GLIS1: variants seen among roughly 807,000 people sequenced by gnomAD.
GLIS1 encodes GLIS family zinc finger 1.
In GLIS1, 24 loss-of-function variants were observed where a neutral mutation model predicts 63.8. That is an observed-to-expected ratio of 0.38 (90% CI 0.27 to 0.53). The LOEUF (loss-of-function observed/expected upper bound fraction) is 0.53, where lower values mean the gene tolerates loss of function less well. Ranked by LOEUF, GLIS1 falls within the 20% of genes least tolerant of loss-of-function variation. GLIS1 has a pLI of 0.85. For synonymous variants in GLIS1, 450 were observed against 482.5 expected (o/e 0.93, Z 0.88); for missense variants, 1,036 against 1,074.1 (o/e 0.96, Z 0.50).
At chr1:53,686,119 C>T (rs72896795) in intron 2 of GLIS1, among the ~76,000 whole-genome samples, 3,643 of 152,292 alleles carry the variant, frequency 0.024, 145 homozygotes, top group African/African-American at 0.082. Context: ...ATCTCTCCCA[C>T]CAGACTGCAA....
chr1:53,570,599 AGGG>A (rs1037531713), intron 4 of GLIS1, among the ~76,000 whole-genome samples: 2 of 152,192 alleles, frequency 1.3e-5, no homozygotes, highest in Non-Finnish European at 2.9e-5. Flanking sequence ...GTATTGGTGC[AGGG>A]GTAGAAAAAC....
intron 4 of GLIS1, among the ~76,000 whole-genome samples, chr1:53,587,734 G>A (rs1031968422): frequency 2.0e-5 from 3 of 152,178 alleles, no homozygotes; most frequent in South Asian, 2.1e-4. Flanking sequence ...TTCCCCACTC[G>A]ACTGAGGGCT....
In GLIS1 at chr1:53,594,167, G is replaced by A. The variant is rs1475817036; in HGVS notation, c.1261C>T (p.Arg421Cys). The A allele has an allele frequency of 3.7e-6, 6 of 1,613,848 alleles. No homozygotes were observed. The highest frequency in any genetic ancestry group is 5.1e-6 in the Non-Finnish European group (6 of 1,179,808). Reference protein sequence around the residue: ...CVRRYKPFNARYKLLIHMRVH... With the variant: ...CVRRYKPFNACYKLLIHMRVH... ...CGCATGTGGATGAGCAGCTTGTAGC[G>A]GGCGTTGAAGGGCTTGTAGCGGCGC... The change falls in exon 4 of 11, where the codon CGC (arginine) becomes TGC (cysteine). Residue 421 changes from arginine (R) to cysteine (C), a missense_variant. Arg to Cys is a radical substitution (Grantham distance 180). This residue lies in a region of GLIS1 where 592 missense variants were observed against 593.9 expected (regional missense o/e 1.00). Transcript: ENST00000628545.
At chr1:53,537,139 G>A (rs541577013) in intron 4 of GLIS1, among the ~76,000 whole-genome samples, 2 of 152,342 alleles carry the variant, frequency 1.3e-5, no homozygotes, top group African/African-American at 2.4e-5. Flanking sequence ...AGCCAGGCAG[G>A]GGGTGGCATC....
chr1:53,515,655 T>G (rs987219380), intron 7 of GLIS1, among the ~76,000 whole-genome samples: 1 of 151,818 alleles, frequency 6.6e-6, no homozygotes, highest in African/African-American at 2.4e-5. Flanking sequence ...CAGACTTTGC[T>G]CCAGGGACCC....
rs752852437 is a variant in GLIS1, at chr1:53,514,679, G to A, written c.1829C>T (p.Thr610Ile). 1.2e-6 allele frequency: 2 copies of A among 1,613,922 alleles called. No homozygotes were observed. Among genetic ancestry groups the A allele is most frequent in the South Asian group, 1.1e-5 (1 of 91,062 alleles). Residue 610 changes from threonine to isoleucine, a missense_variant, in exon 8 of 11, where the codon ACC becomes ATC. Physicochemically the swap from Thr to Ile is moderately conservative, Grantham distance 89. Coordinates refer to ENST00000628545, the MANE Select transcript of GLIS1 (RefSeq NM_001367484.1). ...PSRHHPLDAT[T>I]SSHHHLSPLP... ...AGGGGACAGATGGTGGTGGGAACTG[G>A]TGGTGGCATCCAGCGGGTGGTGCCT...
At chr1:53,621,267 T>A (rs779159617) in intron 2 of GLIS1, among the ~76,000 whole-genome samples, 36 of 152,210 alleles carry the variant, frequency 2.4e-4, no homozygotes, top group Admixed American at 3.9e-4. Flanking sequence ...CCCCCCCAAG[T>A]CTCCCCCAGC....
At chr1:53,632,053 ATGAG>A (rs1252326712) in intron 2 of GLIS1, among the ~76,000 whole-genome samples, 4 of 149,746 alleles carry the variant, frequency 2.7e-5, no homozygotes, top group Non-Finnish European at 5.9e-5. Flanking sequence ...AGGTGTGTGA[ATGAG>A]TGTGCGGGAT....
chr1:53,603,824 T>C (rs552663311), intron 2 of GLIS1, among the ~76,000 whole-genome samples: 1 of 152,342 alleles, frequency 6.6e-6, no homozygotes, highest in South Asian at 2.1e-4. Context: ...TGGAGTCCTG[T>C]GTTTACTTTT....
intron 2 of GLIS1, among the ~76,000 whole-genome samples, chr1:53,706,173 T>C (rs1212498245): frequency 6.6e-6 from 1 of 152,190 alleles, no homozygotes; most frequent in Non-Finnish European, 1.5e-5. Context: ...TGAGGTTAAG[T>C]AACTTGCCCA....
chr1:53,587,477 T>C (rs1432192368), intron 4 of GLIS1, among the ~76,000 whole-genome samples: 1 of 152,216 alleles, frequency 6.6e-6, no homozygotes, highest in African/African-American at 2.4e-5. Context: ...TTGGCCTCTC[T>C]GGCCTCATTT....
intron 2 of GLIS1, among the ~76,000 whole-genome samples, chr1:53,681,113 C>T (rs565883584): frequency 6.6e-6 from 1 of 152,236 alleles, no homozygotes; most frequent in African/African-American, 2.4e-5. Flanking sequence ...TCCACACAAG[C>T]CTCTGAAATT....
chr1:53,570,529 A>T (rs1202330038), intron 4 of GLIS1, among the ~76,000 whole-genome samples: 1 of 152,168 alleles, frequency 6.6e-6, no homozygotes, highest in Non-Finnish European at 1.5e-5. Flanking sequence ...GCGGGGATGG[A>T]CTTTTCTACT....
Position 53,708,291 on chromosome 1 carries a change from A to G in GLIS1, c.259+29515T>C, listed in dbSNP as rs183086735. The stretch of plus-strand genomic sequence containing the variant: ...CAGAGGGAGACTTCATCTCAAAAAA[A>G]AAAGAAAGGAAAGCAAAGCTAAAGA... On this transcript the variant is annotated intron_variant, in intron 2 of 10. Coordinates refer to ENST00000628545, the MANE Select transcript of GLIS1 (RefSeq NM_001367484.1). Among the ~76,000 whole-genome samples, 87 of 152,254 alleles carry G rather than the reference A, an allele frequency of 5.7e-4. No homozygotes were observed. In the East Asian group the frequency reaches 0.013, roughly 23 times the overall value.
At chr1:53,635,651 C>T (rs956533202) in intron 2 of GLIS1, among the ~76,000 whole-genome samples, 3 of 151,266 alleles carry the variant, frequency 2.0e-5, no homozygotes, top group African/African-American at 7.3e-5. Flanking sequence ...GGATCATAAA[C>T]AAGACTAAAG....
At chr1:53,521,063 G>C (rs948045383) in intron 6 of GLIS1, among the ~76,000 whole-genome samples, 2 of 152,216 alleles carry the variant, frequency 1.3e-5, no homozygotes, top group African/African-American at 4.8e-5. Context: ...GAGAGAAGGA[G>C]GCAGGGAGAA....
intron 2 of GLIS1, among the ~76,000 whole-genome samples, chr1:53,713,711 G>T (rs1158316898): frequency 6.6e-6 from 1 of 152,218 alleles, no homozygotes; most frequent in Non-Finnish European, 1.5e-5. Flanking sequence ...GCAGTGAGCT[G>T]TGATTACACC....
chr1:53,658,962 C>T (rs1645997003), intron 2 of GLIS1, among the ~76,000 whole-genome samples: 1 of 152,106 alleles, frequency 6.6e-6, no homozygotes, highest in South Asian at 2.1e-4. Context: ...CACCAAGGGG[C>T]CAAGGGGGTA....
At position 53,526,242 on chromosome 1, in the gene GLIS1, GC is replaced by G. The variant is rs1357505321; in HGVS notation, c.1483-1356del. Among the ~76,000 whole-genome samples the G allele has an allele frequency of 1.3e-5, 2 of 152,150 alleles. No individual in the cohort carries two copies. The highest frequency in any genetic ancestry group is 1.3e-4 in the Admixed American group (2 of 15,284). ...GCCCCCAGGACCTCAAGGCAGCTTTGCCCCTGCTGGACTAAGGAGAGGCCAG... is the reference window on the plus strand; with the variant it reads ...GCCCCCAGGACCTCAAGGCAGCTTTGCCCTGCTGGACTAAGGAGAGGCCAG... On this transcript the variant is annotated intron_variant, in intron 5 of 10. Transcript: ENST00000628545. This position sits in a 1 kb window ranked among gnomAD's most constrained non-coding sequence, Gnocchi z 4.4.
Sources: gnomAD v4.1 joint callset for allele counts (sites outside exome capture counted in the v4.1 genomes callset) on GRCh38, gnomAD v4.1.1 for gene constraint, gnomAD v4.1.1 regional missense constraint, Gnocchi (gnomAD v3.1) non-coding constraint, MANE v1.5 for transcripts, NCBI Gene and HGNC (gene_info 2026-07-23, HGNC 2026-07-21) for gene names.